The following MYBPC1 variants were observed in gnomAD, a reference collection of about 807,000 sequenced individuals.
MYBPC1 encodes myosin binding protein C1.
Under a neutral mutation model 147.1 loss-of-function variants are expected in MYBPC1, and 52 were observed. That is an observed-to-expected ratio of 0.35 (90% CI 0.28 to 0.45). MYBPC1 has a LOEUF of 0.45. Ranked by LOEUF, MYBPC1 falls within the 20% of genes least tolerant of loss-of-function variation. The pLI, the probability that MYBPC1 is intolerant of heterozygous loss-of-function variation, is 1.00. For synonymous variants in MYBPC1, 477 were observed against 475.9 expected (o/e 1.00, Z -0.03); for missense variants, 1,228 against 1,440.3 (o/e 0.85, Z 2.39).
At chr12:101,645,863 A>G (rs1378084698) in intron 12 of MYBPC1, among the ~76,000 whole-genome samples, 1 of 152,180 alleles carries the variant, frequency 6.6e-6, no homozygotes, top group Non-Finnish European at 1.5e-5. Context: ...TTCTTAGTAC[A>G]TGTAACTGTA....
intron 24 of MYBPC1, among the ~76,000 whole-genome samples, chr12:101,671,450 T>G (rs1189156117): frequency 6.6e-6 from 1 of 152,114 alleles, no homozygotes; most frequent in Non-Finnish European, 1.5e-5. Context: ...CCATCCTCAT[T>G]GCACTCCGGG....
chr12:101,643,240 A>G (rs577534408), intron 11 of MYBPC1, among the ~76,000 whole-genome samples: 1 of 152,220 alleles, frequency 6.6e-6, no homozygotes, highest in South Asian at 2.1e-4. Flanking sequence ...AAAGATTTTT[A>G]CCACCCTTTA....
intron 2 of MYBPC1, chr12:101,615,045 G>A (rs7963476): frequency 0.2 from 37,088 of 187,010 alleles, 5,339 homozygotes; most frequent in African/African-American, 0.44. Flanking sequence ...GAGGTTCAAC[G>A]TGAGGACCAA....
At chr12:101,688,242 A>C (rs898929866), downstream of MYBPC1, among the ~76,000 whole-genome samples, 1 of 152,094 alleles carries the variant, frequency 6.6e-6, no homozygotes, top group African/African-American at 2.4e-5. Context: ...AGCATGGTGA[A>C]GCCTTGTCTC....
rs772088028 is a variant in MYBPC1, at chr12:101,667,723, G to T, written c.2357-9G>T. ...CCTCCTTCTTTTCCTTTTCTTTTAC[G>T]GACTTCAGCTGAGGACTGGATAGTT... On this transcript the variant is annotated splice_polypyrimidine_tract_variant and intron_variant, in intron 22 of 31. Coordinates refer to ENST00000361466, the MANE Select transcript of MYBPC1 (RefSeq NM_002465.4). The T allele has an allele frequency of 5.0e-6, 8 of 1,613,728 alleles. No homozygotes were observed. In the East Asian group the frequency reaches 1.8e-4, roughly 36 times the overall value.
chr12:101,598,639 T>A (rs887776228), intron 1 of MYBPC1, among the ~76,000 whole-genome samples: 2 of 152,146 alleles, frequency 1.3e-5, no homozygotes, highest in Non-Finnish European at 2.9e-5. Flanking sequence ...AGTGGTGCAA[T>A]CATGGCTCAC....
At chr12:101,635,875 T>C (rs1216176048) in intron 9 of MYBPC1, among the ~76,000 whole-genome samples, 2 of 152,222 alleles carry the variant, frequency 1.3e-5, no homozygotes, top group Admixed American at 1.3e-4. Context: ...AGTAACTATG[T>C]AGTGCCATTT....
the MYBPC1 span, among the ~76,000 whole-genome samples, chr12:101,695,279 C>A: frequency 6.6e-6 from 1 of 152,070 alleles, no homozygotes; most frequent in Non-Finnish European, 1.5e-5. Context: ...TTTCTAATAA[C>A]CAAGATGGCT....
At chr12:101,595,566 T>C (rs1183396403) in intron 1 of MYBPC1, among the ~76,000 whole-genome samples, 1 of 147,618 alleles carries the variant, frequency 6.8e-6, no homozygotes, top group Non-Finnish European at 1.5e-5. Flanking sequence ...TATTTGCTAC[T>C]TTTTTTAATG....
At chr12:101,643,342 G>A (rs1254790603) in intron 11 of MYBPC1, among the ~76,000 whole-genome samples, 1 of 152,010 alleles carries the variant, frequency 6.6e-6, no homozygotes, top group African/African-American at 2.4e-5. Context: ...AGTTTATGTA[G>A]TTCAGCCATT....
rs1221775598 is a variant in MYBPC1, at chr12:101,649,270, G to A, written c.1207G>A (p.Gly403Ser). 4 of 1,613,082 alleles carry A rather than the reference G, an allele frequency of 2.5e-6. No individual in the cohort carries two copies. Among genetic ancestry groups the A allele is most frequent in the African/African-American group, 2.7e-5 (2 of 74,876 alleles). ...DDANVKWFKN[G>S]EEIIPGPKSR... Reference sequence around the variant, plus strand: ...TTTATCTTAATTCAGGTTTAAGAATGGTGAAGAGATTATCCCTGGTCCAAA... The same window carrying A: ...TTTATCTTAATTCAGGTTTAAGAATAGTGAAGAGATTATCCCTGGTCCAAA... Residue 403 changes from glycine to serine, a missense_variant, in exon 15 of 32, where the codon GGT becomes AGT. Physicochemically the swap from Gly to Ser is moderately conservative, Grantham distance 56. Transcript: ENST00000361466.
chr12:101,653,862 G>A lies in MYBPC1; in HGVS notation c.1767+614G>A, dbSNP rs74970324. On this transcript the variant is annotated intron_variant, in intron 18 of 31. Coordinates refer to ENST00000361466, the MANE Select transcript of MYBPC1 (RefSeq NM_002465.4). ...GTAGTGCCAGCTCAAGTGTGACTCCGTGGCTTTCTACAAAAATAAAAGCAA... is the reference window on the plus strand; with the variant it reads ...GTAGTGCCAGCTCAAGTGTGACTCCATGGCTTTCTACAAAAATAAAAGCAA... Among the ~76,000 whole-genome samples the A allele has an allele frequency of 6.3e-3, 935 of 148,638 alleles. 7 individuals are homozygous for A. Among genetic ancestry groups the A allele is most frequent in the African/African-American group, 0.022 (884 of 40,450 alleles).
chr12:101,688,049 T>G (rs747072361), downstream of MYBPC1, among the ~76,000 whole-genome samples: 1 of 152,228 alleles, frequency 6.6e-6, no homozygotes, highest in Non-Finnish European at 1.5e-5. Flanking sequence ...TCTATAATTT[T>G]GTTTAAATTT....
intron 15 of MYBPC1, among the ~76,000 whole-genome samples, chr12:101,649,958 C>A (rs758766969): frequency 6.6e-6 from 1 of 152,192 alleles, no homozygotes. Flanking sequence ...AAAATTAAAA[C>A]AGCAAATATC....
At chr12:101,603,363 G>T in intron 1 of MYBPC1, among the ~76,000 whole-genome samples, 1 of 151,092 alleles carries the variant, frequency 6.6e-6, no homozygotes. Flanking sequence ...AAAAAAAGAA[G>T]ATTTCTCTCT....
chr12:101,662,972 T>C (rs6539004), intron 21 of MYBPC1, among the ~76,000 whole-genome samples: 102,724 of 151,998 alleles, frequency 0.68, 35,536 homozygotes, highest in Admixed American at 0.8. Flanking sequence ...CTTTGCTTTA[T>C]GGTCACACCT....
intron 1 of MYBPC1, among the ~76,000 whole-genome samples, chr12:101,598,874 G>A (rs1031985088): frequency 1.3e-5 from 2 of 152,194 alleles, no homozygotes; most frequent in Non-Finnish European, 2.9e-5. Context: ...GAGCCACTGT[G>A]CCTGGCCTAT....
chr12:101,663,636 C>A, intron 22 of MYBPC1, 76 bp downstream of exon 22: 1 of 1,509,994 alleles, frequency 6.6e-7, no homozygotes, highest in Non-Finnish European at 9.1e-7. Context: ...TTTTGTCTCT[C>A]TTTCTTGAGA....
downstream of MYBPC1, among the ~76,000 whole-genome samples, chr12:101,689,903 G>A (rs1275315059): frequency 3.3e-5 from 5 of 152,140 alleles, no homozygotes; most frequent in East Asian, 5.8e-4. Flanking sequence ...TGCCGGGCGC[G>A]GTGGCTCACG....
Sources: allele counts gnomAD v4.1 joint callset (sites outside exome capture counted in the v4.1 genomes callset), GRCh38; gene constraint gnomAD v4.1.1; transcripts MANE v1.5; gene names NCBI Gene and HGNC (gene_info 2026-07-23, HGNC 2026-07-21).